The following WDPCP variants were observed in gnomAD, a reference collection of about 807,000 sequenced individuals.
WDPCP encodes WD repeat containing planar cell polarity effector.
Under a neutral mutation model 93.1 loss-of-function variants are expected in WDPCP, and 71 were observed. That is an observed-to-expected ratio of 0.76 (90% confidence interval 0.63 to 0.93). WDPCP has a LOEUF of 0.93. WDPCP is among the 40% of genes least tolerant of loss of function. The pLI, the probability that WDPCP is intolerant of heterozygous loss-of-function variation, is 0.00. For synonymous variants in WDPCP, 315 were observed against 315.0 expected, an observed-to-expected ratio of 1.00 and a Z score of 0.00; for missense variants, 844 against 887.4, an observed-to-expected ratio of 0.95 and a Z score of 0.62.
chr2:63,391,750 CAGAG>C (rs1693270988), intron 10 of WDPCP, among the ~76,000 whole-genome samples: 1 of 152,042 alleles, frequency 6.6e-6, no homozygotes, highest in Non-Finnish European at 1.5e-5. Context: ...CAATAATAGA[CAGAG>C]AGCCAAATCA....
chr2:63,790,239 G>T (rs922920169), intron 2 of WDPCP, among the ~76,000 whole-genome samples: 2 of 152,166 alleles, frequency 1.3e-5, no homozygotes, highest in Non-Finnish European at 2.9e-5. Context: ...AAGGTGCTGG[G>T]CGAAATTATA....
chr2:63,521,755 C>T (rs1702949629), intron 1 of WDPCP, among the ~76,000 whole-genome samples: 1 of 152,146 alleles, frequency 6.6e-6, no homozygotes, highest in Non-Finnish European at 1.5e-5. Context: ...ATAGCACATA[C>T]TCTAAAACTG....
At chr2:63,592,718 G>T (rs1199679042), upstream of WDPCP, among the ~76,000 whole-genome samples, 1 of 152,348 alleles carries the variant, frequency 6.6e-6, no homozygotes, top group South Asian at 2.1e-4. Context: ...TTTTCAAACA[G>T]TTCTTATACA....
chr2:63,461,642 AAATGCAGGTAGATT>A, intron 6 of WDPCP, among the ~76,000 whole-genome samples: 1 of 152,338 alleles, frequency 6.6e-6, no homozygotes, highest in South Asian at 2.1e-4. Flanking sequence ...ATGAAATTTA[AAATGCAGGTAGATT>A]GGGACCAGTT....
chr2:63,400,027 CTT>C lies in WDPCP; in HGVS notation c.1435+4019_1435+4020del, dbSNP rs529008845. 1.3e-3 allele frequency among the ~76,000 whole-genome samples: 199 copies of C among 152,282 alleles called. 2 individuals are homozygous for C. The highest frequency in any genetic ancestry group is 4.5e-3 in the African/African-American group (187 of 41,562). The stretch of plus-strand genomic sequence containing the variant: ...GACTACAATGTCTTTAAAAATCTAA[CTT>C]TGTACCATAGAGCCAAATTCCATAA... On this transcript the variant is annotated intron_variant, in intron 10 of 17. Coordinates refer to ENST00000272321, the MANE Select transcript of WDPCP (RefSeq NM_015910.7).
intron 12 of WDPCP, among the ~76,000 whole-genome samples, chr2:63,372,039 G>A (rs1306679191): frequency 2.0e-5 from 3 of 152,180 alleles, no homozygotes; most frequent in Admixed American, 2.0e-4. Flanking sequence ...GCCTATACAG[G>A]TAGCATGGTG....
chr2:63,688,164 C>T (rs1209903291), intron 2 of WDPCP, among the ~76,000 whole-genome samples: 2 of 152,126 alleles, frequency 1.3e-5, no homozygotes, highest in Admixed American at 1.3e-4. Context: ...CGGTGGCTCA[C>T]GCCTGTAATC....
chr2:63,405,095 ATTAG>A (rs1478568066), intron 9 of WDPCP, among the ~76,000 whole-genome samples: 2 of 152,192 alleles, frequency 1.3e-5, no homozygotes, highest in South Asian at 2.1e-4. Context: ...ACTTTAAATG[ATTAG>A]TTAATCTCCT....
intron 14 of WDPCP, among the ~76,000 whole-genome samples, chr2:63,240,004 A>G (rs939301291): frequency 1.3e-5 from 2 of 152,078 alleles, no homozygotes; most frequent in African/African-American, 4.8e-5. Flanking sequence ...TTTGGATTCT[A>G]TTTTGTCATA....
At chr2:63,506,520 T>C (rs1480195229) in intron 1 of WDPCP, among the ~76,000 whole-genome samples, 1 of 150,768 alleles carries the variant, frequency 6.6e-6, no homozygotes, top group East Asian at 1.9e-4. Context: ...AAAAAGCAGA[T>C]GGGCAAGAGA....
chr2:63,313,674 T>G (rs1686361443), intron 12 of WDPCP, among the ~76,000 whole-genome samples: 2 of 151,956 alleles, frequency 1.3e-5, no homozygotes, highest in African/African-American at 2.4e-5. Context: ...GTTTATTTTG[T>G]GAATGAAGAG....
At chr2:63,703,271 A>T (rs1669091382) in intron 2 of WDPCP, among the ~76,000 whole-genome samples, 1 of 152,156 alleles carries the variant, frequency 6.6e-6, no homozygotes, top group South Asian at 2.1e-4. Flanking sequence ...GGTATTTCTA[A>T]TTCTAGATCC....
At chr2:63,626,171 T>A (rs1465495328) in intron 3 of WDPCP, among the ~76,000 whole-genome samples, 1 of 152,044 alleles carries the variant, frequency 6.6e-6, no homozygotes, top group Non-Finnish European at 1.5e-5. Context: ...TCCTTACACC[T>A]TATACAAAAA....
At chr2:63,453,445 C>T (rs1698399356) in intron 6 of WDPCP, among the ~76,000 whole-genome samples, 1 of 152,150 alleles carries the variant, frequency 6.6e-6, no homozygotes, top group African/African-American at 2.4e-5. Flanking sequence ...CAGGAAACAA[C>T]AGGTGCTGGA....
rs545560669 is a variant in WDPCP, at chr2:63,396,519, G to T, written c.1435+7529C>A. ...GCATTGTGGGGACACTTTAGGCAAA[G>T]GGAATACTATCATCACCAACATGGA... On this transcript the variant is annotated intron_variant, in intron 10 of 17. Transcript: ENST00000272321. 2.0e-5 allele frequency among the ~76,000 whole-genome samples: 3 copies of T among 152,154 alleles called. No individual in the cohort carries two copies. The East Asian group carries it at 5.8e-4, about 29-fold the overall frequency.
chr2:63,759,657 GC>G (rs1411263335), intron 2 of WDPCP, among the ~76,000 whole-genome samples: 2 of 152,148 alleles, frequency 1.3e-5, no homozygotes, highest in Non-Finnish European at 2.9e-5. Context: ...AGGGGCCCCT[GC>G]CCCAACATGA....
intron 17 of WDPCP, among the ~76,000 whole-genome samples, chr2:63,146,225 A>T (rs1249988933): frequency 1.3e-5 from 2 of 152,148 alleles, no homozygotes; most frequent in African/African-American, 2.4e-5. Flanking sequence ...TGCTCTGGCT[A>T]TAACTTCCAA....
chr2:63,835,700 G>A, the WDPCP span, among the ~76,000 whole-genome samples: 1 of 151,644 alleles, frequency 6.6e-6, no homozygotes, highest in East Asian at 1.9e-4. Context: ...ATTTTTTCCT[G>A]TAGTTTTTTC....
chr2:63,787,545 T>C (rs981806324), intron 2 of WDPCP, among the ~76,000 whole-genome samples: 2 of 152,172 alleles, frequency 1.3e-5, no homozygotes, highest in African/African-American at 4.8e-5. Context: ...AAGAATCAAA[T>C]GTGACTGATT....
Sources: gnomAD v4.1 joint callset for allele counts (sites outside exome capture counted in the v4.1 genomes callset) on GRCh38, gnomAD v4.1.1 for gene constraint, MANE v1.5 for transcripts, NCBI Gene and HGNC (gene_info 2026-07-23, HGNC 2026-07-21) for gene names.